PRKCA: variants seen among roughly 807,000 people sequenced by gnomAD.
PRKCA encodes protein kinase C alpha type.
A neutral mutation model predicts 87.0 loss-of-function variants in PRKCA; 27 were observed. The ratio of observed to expected loss-of-function variants is 0.31; its 90% CI spans 0.23 to 0.43. The LOEUF is 0.43. PRKCA is among the 20% of genes least tolerant of loss of function. The pLI is 1.00. For synonymous variants in PRKCA, 329 were observed against 311.1 expected (o/e 1.06, Z -0.61); for missense variants, 518 against 852.3 (o/e 0.61, Z 4.88).
At chr17:66,368,386 ATTTTTTTTTTT>A (rs1180540465) in intron 2 of PRKCA, among the ~76,000 whole-genome samples, 3 of 25,468 alleles carry the variant, frequency 1.2e-4, no homozygotes, top group African/African-American at 3.6e-4. Flanking sequence ...ATATATATAT[ATTTTTTTTTTT>A]TTTTTTTTTT....
At position 66,438,334 on chromosome 17, in the gene PRKCA, G is replaced by A. The variant is rs565873903; in HGVS notation, c.206-57867G>A. On this transcript the variant is annotated intron_variant, in intron 2 of 16. Coordinates refer to ENST00000413366, the MANE Select transcript of PRKCA (RefSeq NM_002737.3). The stretch of plus-strand genomic sequence containing the variant: ...CGGCATTTCAGTGTCTCTTGCCATG[G>A]GTAGCTCTCATATTTCCAGTTGATG... 1.5e-3 allele frequency among the ~76,000 whole-genome samples: 222 copies of A among 151,506 alleles called. 2 individuals are homozygous for A. The highest frequency in any genetic ancestry group is 3.1e-3 in the Admixed American group (47 of 15,112).
At chr17:66,508,368 G>A (rs1307108748) in intron 3 of PRKCA, among the ~76,000 whole-genome samples, 1 of 152,248 alleles carries the variant, frequency 6.6e-6, no homozygotes, top group East Asian at 1.9e-4. Flanking sequence ...TGGCCACGAA[G>A]ATAACACTGC....
At chr17:66,355,111 T>C (rs1907973165) in intron 2 of PRKCA, among the ~76,000 whole-genome samples, 1 of 152,234 alleles carries the variant, frequency 6.6e-6, no homozygotes, top group Admixed American at 6.5e-5. Context: ...TTTCGTGGCA[T>C]TTGCTAACAA....
chr17:66,622,711 G>A (rs1477771099), intron 3 of PRKCA, among the ~76,000 whole-genome samples: 4 of 152,334 alleles, frequency 2.6e-5, no homozygotes, highest in African/African-American at 9.6e-5. Context: ...GTTCCATGTG[G>A]CTGGGGAGGC....
chr17:66,416,417 C>G (rs1439148824), intron 2 of PRKCA: 1 of 152,610 alleles, frequency 6.6e-6, no homozygotes, highest in Non-Finnish European at 1.5e-5. Flanking sequence ...CGTACACAGG[C>G]AGAGGTGGCT....
intron 2 of PRKCA, among the ~76,000 whole-genome samples, chr17:66,365,795 C>T (rs1598618073): frequency 6.6e-6 from 1 of 152,248 alleles, no homozygotes; most frequent in African/African-American, 2.4e-5. Context: ...GTATTAAACG[C>T]ATGCCAAAGG....
In PRKCA at chr17:66,804,218, A is replaced by T; in HGVS notation, c.*181A>T. ...GTTCAGGGTCTCTCTCTTACAACCAAGAACATTATCTTAGTGGAAGATGGT... is the reference window on the plus strand; with the variant it reads ...GTTCAGGGTCTCTCTCTTACAACCATGAACATTATCTTAGTGGAAGATGGT... On this transcript the variant is annotated 3_prime_UTR_variant, in exon 17 of 17. Coordinates refer to ENST00000413366, the MANE Select transcript of PRKCA (RefSeq NM_002737.3). The T allele has an allele frequency of 1.3e-6, 1 of 782,284 alleles. No individual in the cohort carries two copies. The highest frequency in any genetic ancestry group is 2.4e-5 in the South Asian group (1 of 40,970). The allele number at this position is 782,284 out of a possible 1,614,324, so 48.5% of individuals were successfully genotyped here.
chr17:66,444,472 GT>G (rs1294253298), intron 2 of PRKCA, among the ~76,000 whole-genome samples: 1 of 152,170 alleles, frequency 6.6e-6, no homozygotes, highest in Non-Finnish European at 1.5e-5. Context: ...TCGTCAGATA[GT>G]TCCTTGGAGC....
chr17:66,356,751 T>A (rs1598612901), intron 2 of PRKCA, among the ~76,000 whole-genome samples: 1 of 152,196 alleles, frequency 6.6e-6, no homozygotes. Flanking sequence ...AATGATTTTT[T>A]AAATATTTTT....
chr17:66,542,054 T>G (rs1434473004), intron 3 of PRKCA, among the ~76,000 whole-genome samples: 1 of 152,198 alleles, frequency 6.6e-6, no homozygotes, highest in Non-Finnish European at 1.5e-5. Context: ...GTTATTATGG[T>G]TCTATATAAA....
At chr17:66,377,607 TATA>T (rs1282931207) in intron 2 of PRKCA, among the ~76,000 whole-genome samples, 5 of 145,664 alleles carry the variant, frequency 3.4e-5, no homozygotes, top group South Asian at 2.1e-4. Context: ...ATTTTATATA[TATA>T]ATGTCTATAT....
chr17:66,429,027 G>T (rs531341935), intron 2 of PRKCA, among the ~76,000 whole-genome samples: 57 of 152,066 alleles, frequency 3.7e-4, no homozygotes, highest in African/African-American at 1.2e-3. Context: ...GATCTTTGGG[G>T]GTGATAAAGA....
chr17:66,617,016 C>T (rs1198131434), intron 3 of PRKCA, among the ~76,000 whole-genome samples: 4 of 151,870 alleles, frequency 2.6e-5, no homozygotes, highest in African/African-American at 4.8e-5. Flanking sequence ...ATAAGTTCCT[C>T]GTTTATAATT....
At chr17:66,462,639 A>G (rs143248893) in intron 2 of PRKCA, among the ~76,000 whole-genome samples, 2 of 152,244 alleles carry the variant, frequency 1.3e-5, no homozygotes, top group East Asian at 1.9e-4. Flanking sequence ...CCATTTTAGG[A>G]TACTTTTTTG....
In PRKCA at chr17:66,353,544, C is replaced by T. The variant is rs149889542; in HGVS notation, c.205+47417C>T. On this transcript the variant is annotated intron_variant, in intron 2 of 16. Transcript: ENST00000413366. Reference sequence around the variant, plus strand: ...CAGCCTGGCCAACATGGTGAAACCCCGTCTCTACTAAGAATACAAAAATTA... The same window carrying T: ...CAGCCTGGCCAACATGGTGAAACCCTGTCTCTACTAAGAATACAAAAATTA... Among the ~76,000 whole-genome samples, 1,429 of 152,168 alleles carry T rather than the reference C, an allele frequency of 9.4e-3. 7 individuals carry two copies. The highest frequency in any genetic ancestry group is 0.013 in the Admixed American group (194 of 15,286).
intron 3 of PRKCA, among the ~76,000 whole-genome samples, chr17:66,630,737 G>A (rs187690793): frequency 1.3e-5 from 2 of 152,254 alleles, no homozygotes; most frequent in Admixed American, 1.3e-4. Flanking sequence ...CATCTACAAG[G>A]TGGACGGTTT....
At chr17:66,354,980 C>T (rs78755215) in intron 2 of PRKCA, among the ~76,000 whole-genome samples, 4 of 152,094 alleles carry the variant, frequency 2.6e-5, no homozygotes, top group Admixed American at 6.5e-5. Context: ...TCCTATACAT[C>T]GTTACATTTT....
chr17:66,686,593 C>A (rs1972633817), intron 5 of PRKCA, among the ~76,000 whole-genome samples: 1 of 152,264 alleles, frequency 6.6e-6, no homozygotes, highest in East Asian at 1.9e-4. Flanking sequence ...CATTCCCCAA[C>A]CCCCATGTGA....
intron 2 of PRKCA, among the ~76,000 whole-genome samples, chr17:66,467,784 C>CT (rs1462034478): frequency 6.6e-6 from 1 of 152,020 alleles, no homozygotes; most frequent in Non-Finnish European, 1.5e-5. Flanking sequence ...TCTTGAACTT[C>CT]TGGGCTCAAG....
Sources: gnomAD v4.1 joint callset for allele counts (sites outside exome capture counted in the v4.1 genomes callset) on GRCh38, gnomAD v4.1.1 for gene constraint, MANE v1.5 for transcripts, NCBI Gene and HGNC (gene_info 2026-07-23, HGNC 2026-07-21) for gene names.